GABRR2: variants seen among roughly 807,000 people sequenced by gnomAD.
The protein encoded by GABRR2 is gamma-aminobutyric acid receptor subunit rho-2.
Under a neutral mutation model 47.0 loss-of-function variants are expected in GABRR2, and 36 were observed. The observed-to-expected ratio is 0.77, with a 90% CI of 0.59 to 1.01. The LOEUF (loss-of-function observed/expected upper bound fraction) is 1.01. Among genes scored for constraint, GABRR2 ranks in the 50% least tolerant of loss-of-function variants. The probability of loss-of-function intolerance (pLI) is 0.00; values close to 1 mark genes in which losing one functional copy is unlikely to be tolerated. For missense variants in GABRR2, 587 were observed against 594.6 expected (o/e 0.99, Z 0.13); for synonymous variants, 204 against 227.5 (o/e 0.90, Z 0.93).
intron 2 of GABRR2, among the ~76,000 whole-genome samples, chr6:89,277,864 G>C (rs1181284968): frequency 8.3e-6 from 1 of 120,936 alleles, no homozygotes; most frequent in African/African-American, 3.2e-5. Context: ...GTGGTGGGCG[G>C]GGGTGGGGGG....
At chr6:89,309,065 G>GAGTC (rs1767630303) in intron 1 of GABRR2, among the ~76,000 whole-genome samples, 1 of 152,148 alleles carries the variant, frequency 6.6e-6, no homozygotes, top group Admixed American at 6.5e-5. Flanking sequence ...GGGAGGGAGG[G>GAGTC]AGTCATGAGA....
chr6:89,284,808 A>G (rs900076348), intron 2 of GABRR2, among the ~76,000 whole-genome samples: 1 of 152,242 alleles, frequency 6.6e-6, no homozygotes, highest in African/African-American at 2.4e-5. Context: ...ATAATTTGTT[A>G]TAAAACTTAG....
intron 1 of GABRR2, among the ~76,000 whole-genome samples, chr6:89,314,415 T>C (rs1320066979): frequency 1.3e-5 from 2 of 152,238 alleles, no homozygotes; most frequent in Non-Finnish European, 2.9e-5. Flanking sequence ...AGATTTGTAA[T>C]GTAATGATTT....
rs1773596553 is a variant in GABRR2 at position 89,256,159 on chromosome 6, A to G, written c.*1511T>C. Reference sequence around the variant, plus strand: ...ATGAGACAGCCCAGATCTAGGATGCATTCTGCTCCATTTCTTCTTCTTAAA... The same window carrying G: ...ATGAGACAGCCCAGATCTAGGATGCGTTCTGCTCCATTTCTTCTTCTTAAA... On this transcript the variant is annotated 3_prime_UTR_variant, in exon 9 of 9. Coordinates refer to ENST00000402938, the MANE Select transcript of GABRR2 (RefSeq NM_002043.5). 6.7e-6 allele frequency among the ~76,000 whole-genome samples: 1 copy of G among 149,620 alleles called. No homozygotes were observed. Among genetic ancestry groups the G allele is most frequent in the South Asian group, 2.2e-4 (1 of 4,648 alleles).
chr6:89,258,729 A>T (rs556852038), intron 8 of GABRR2, among the ~76,000 whole-genome samples: 61 of 110,772 alleles, frequency 5.5e-4, no homozygotes, highest in East Asian at 8.5e-4. Flanking sequence ...TCTTTTTTTT[A>T]AAAAAAAAAG....
At chr6:89,264,658 C>A in intron 7 of GABRR2, 50 bp from the exon 8 acceptor site, 1 of 1,594,364 alleles carries the variant, frequency 6.3e-7, no homozygotes, top group Non-Finnish European at 8.6e-7. Flanking sequence ...TAGAACTGCC[C>A]TCATATCTCA....
chr6:89,304,165 C>A (rs1487031559), intron 1 of GABRR2, among the ~76,000 whole-genome samples: 1 of 152,116 alleles, frequency 6.6e-6, no homozygotes, highest in Admixed American at 6.5e-5. Context: ...TAAATAGACA[C>A]CCTACAGAAT....
chr6:89,297,381 G>C (rs568366390), intron 2 of GABRR2, among the ~76,000 whole-genome samples: 3 of 152,180 alleles, frequency 2.0e-5, no homozygotes, highest in Non-Finnish European at 4.4e-5. Flanking sequence ...CCAGCTAGGA[G>C]GGGGGTCCAA....
At chr6:89,284,454 A>G (rs975003161) in intron 2 of GABRR2, among the ~76,000 whole-genome samples, 1 of 152,210 alleles carries the variant, frequency 6.6e-6, no homozygotes, top group Non-Finnish European at 1.5e-5. Flanking sequence ...CTGACCTTAC[A>G]ATGGGGAGAG....
At chr6:89,297,449 G>C (rs919676396) in intron 2 of GABRR2, among the ~76,000 whole-genome samples, 1 of 151,848 alleles carries the variant, frequency 6.6e-6, no homozygotes, top group East Asian at 1.9e-4. Context: ...CCTCATCTGG[G>C]GACAATAATA....
At chr6:89,294,579 T>G (rs572002246) in intron 2 of GABRR2, among the ~76,000 whole-genome samples, 6 of 151,770 alleles carry the variant, frequency 4.0e-5, no homozygotes, top group Admixed American at 3.9e-4. Context: ...CTTAGTATGG[T>G]GGGCGCTACT....
chr6:89,293,670 C>G (rs1441745968), intron 2 of GABRR2, among the ~76,000 whole-genome samples: 1 of 152,198 alleles, frequency 6.6e-6, no homozygotes, highest in East Asian at 1.9e-4. Context: ...GCCTATAGCC[C>G]CAGCTACTCA....
chr6:89,297,860 A>T (rs1451847811), intron 2 of GABRR2, among the ~76,000 whole-genome samples: 2 of 152,182 alleles, frequency 1.3e-5, no homozygotes, highest in African/African-American at 2.4e-5. Flanking sequence ...CTCGAAAAAA[A>T]AAGTGGTAGT....
At chr6:89,265,380 T>G (rs1226142942) in intron 7 of GABRR2, among the ~76,000 whole-genome samples, 1 of 152,124 alleles carries the variant, frequency 6.6e-6, no homozygotes, top group African/African-American at 2.4e-5. Flanking sequence ...ACCCCAAATC[T>G]TTCTGAAGTG....
chr6:89,302,373 C>T (rs1767463430), intron 1 of GABRR2: 1 of 567,898 alleles, frequency 1.8e-6, no homozygotes, highest in Non-Finnish European at 3.5e-6. Flanking sequence ...ATGAGACCTA[C>T]TGCATCAACA....
At chr6:89,266,894 C>T (rs926936508) in intron 6 of GABRR2, among the ~76,000 whole-genome samples, 3 of 151,856 alleles carry the variant, frequency 2.0e-5, no homozygotes, top group African/African-American at 4.9e-5. Context: ...AATCATAGCT[C>T]ACTGCAGCCT....
intron 2 of GABRR2, among the ~76,000 whole-genome samples, chr6:89,277,868 T>TGGGGGGGGGGGGGGGGGGGGGGGGGG (rs141786803): frequency 1.2e-5 from 1 of 84,402 alleles, no homozygotes; most frequent in Non-Finnish European, 2.4e-5. Flanking sequence ...TGGGCGGGGG[T>TGGGGGGGGGGGGGGGGGGGGGGGGGG]GGGGGGGGGT....
rs138306979 is a variant in GABRR2, at chr6:89,312,406, G to A, written c.113+2647C>T. 8.2e-4 allele frequency among the ~76,000 whole-genome samples: 125 copies of A among 152,308 alleles called. 1 individual carries two copies. The highest frequency in any genetic ancestry group is 2.9e-3 in the African/African-American group (120 of 41,566). ...ATTGTTCTGTGTGCATGCCTTGGCT[G>A]GGGTGAGGCAGGGAAGGCTTCCAGG... On this transcript the variant is annotated intron_variant, in intron 1 of 8. Transcript: ENST00000402938.
intron 2 of GABRR2, among the ~76,000 whole-genome samples, chr6:89,291,345 G>A (rs17741627): frequency 0.081 from 12,364 of 152,092 alleles, 621 homozygotes; most frequent in South Asian, 0.19. Context: ...AGCCCAAGAC[G>A]CATCCTGTTG....
Sources: allele counts gnomAD v4.1 joint callset (sites outside exome capture counted in the v4.1 genomes callset), GRCh38; gene constraint gnomAD v4.1.1; transcripts MANE v1.5; gene names NCBI Gene and HGNC (gene_info 2026-07-23, HGNC 2026-07-21).